Variants in IVNS1ABP observed in about 807,000 individuals in gnomAD.
IVNS1ABP encodes the protein influenza virus NS1A binding protein.
Under a neutral mutation model 78.9 loss-of-function variants are expected in IVNS1ABP, and 25 were observed. The ratio of observed to expected loss-of-function variants is 0.32; its 90% confidence interval spans 0.23 to 0.44. IVNS1ABP has a LOEUF of 0.44. Among genes scored for constraint, IVNS1ABP ranks in the 20% least tolerant of loss-of-function variants. The probability of loss-of-function intolerance (pLI) is 1.00; values close to 1 mark genes in which losing one functional copy is unlikely to be tolerated. For synonymous variants in IVNS1ABP, 241 were observed against 259.7 expected (o/e 0.93, Z 0.69); for missense variants, 494 against 768.9 (o/e 0.64, Z 4.23).
intron 7 of IVNS1ABP, chr1:185,306,354 T>C: frequency 5.6e-6 from 4 of 720,020 alleles, no homozygotes; most frequent in Non-Finnish European, 7.8e-6. Flanking sequence ...ATTCCCACCA[T>C]TTCTCCATCA....
In IVNS1ABP at chr1:185,305,703, T is replaced by C; in HGVS notation, c.658-60A>G. ...GGTCACCATGGCTACTCCACTAGTA[T>C]GCAGATTACACAAACGCCTCAAGGT... On this transcript the variant is annotated intron_variant, in intron 7 of 14. Transcript: ENST00000367498. The surrounding 1 kb of genome is among the most constrained non-coding windows in gnomAD (Gnocchi z 4.0). 1 of 1,595,842 alleles carries C rather than the reference T, an allele frequency of 6.3e-7. No homozygotes were observed.
intron 5 of IVNS1ABP, chr1:185,307,933 A>T (rs1404881174): frequency 6.5e-7 from 1 of 1,534,662 alleles, no homozygotes; most frequent in East Asian, 2.4e-5. Context: ...ATAATTTGGT[A>T]AGGCTTCATG....
At chr1:185,308,778 T>C in intron 5 of IVNS1ABP, 22 bp downstream of exon 5, 1 of 1,556,664 alleles carries the variant, frequency 6.4e-7, no homozygotes, top group South Asian at 1.2e-5. Context: ...ATAAATGATT[T>C]TATTTACTTC....
chr1:185,315,274 A>G (rs1333960858), intron 1 of IVNS1ABP, among the ~76,000 whole-genome samples: 1 of 152,244 alleles, frequency 6.6e-6, no homozygotes, highest in Non-Finnish European at 1.5e-5. Flanking sequence ...ACATTTAATT[A>G]CCATCTAACA....
At chr1:185,308,714 T>C (rs1410861529) in intron 5 of IVNS1ABP, 86 bp downstream of exon 5, 4 of 989,582 alleles carry the variant, frequency 4.0e-6, no homozygotes, top group African/African-American at 1.6e-5. Context: ...TCCTTGAAAC[T>C]AACAAGATGT....
rs1166139104 is a variant in IVNS1ABP at position 185,298,481 on chromosome 1, ACCATT to A, written c.1676-198_1676-194del. 3.7e-5 allele frequency: 22 copies of A among 589,274 alleles called. No individual in the cohort carries two copies. In the East Asian group the frequency reaches 6.5e-4, roughly 17 times the overall value. 36.5% of individuals were successfully genotyped at this position (589,274 alleles called of 1,614,324 possible). On this transcript the variant is annotated intron_variant, in intron 14 of 14. Coordinates refer to ENST00000367498, the MANE Select transcript of IVNS1ABP (RefSeq NM_006469.5). This position sits in a 1 kb window ranked among gnomAD's most constrained non-coding sequence, Gnocchi z 4.1. ...AGCTGGGAATCAAATCAATAAAAAA[ACCATT>A]CCCACGTGGAACTTAGGCAACTTAA...
chr1:185,301,639 A>G, intron 8 of IVNS1ABP, 76 bp from the exon 9 acceptor site: 1 of 1,517,894 alleles, frequency 6.6e-7, no homozygotes, highest in Non-Finnish European at 9.1e-7. Flanking sequence ...GAGCTATTCC[A>G]CAACACTGAG....
rs1428861632 is a variant in IVNS1ABP at position 185,305,936 on chromosome 1, CAGTA to C, written c.658-297_658-294del. 23 of 321,802 alleles carry C rather than the reference CAGTA, an allele frequency of 7.1e-5. No homozygotes were observed. The highest frequency in any genetic ancestry group is 3.3e-4 in the South Asian group (8 of 24,422). The allele number at this position is 321,802 out of a possible 1,614,324, so 19.9% of individuals were successfully genotyped here. On this transcript the variant is annotated intron_variant, in intron 7 of 14. Coordinates refer to ENST00000367498, the MANE Select transcript of IVNS1ABP (RefSeq NM_006469.5). The surrounding 1 kb of genome is among the most constrained non-coding windows in gnomAD (Gnocchi z 4.0). ...TTTTTTCATAGCTTCTATCATATAA[CAGTA>C]AGAAAAAAAGCACTAGTACAATATA...
rs1164348228 is a variant in IVNS1ABP at position 185,316,959 on chromosome 1, C to T, written c.-253G>A. 1 of 398,438 alleles carries T rather than the reference C, an allele frequency of 2.5e-6. No homozygotes were observed. The highest frequency in any genetic ancestry group is 4.4e-6 in the Non-Finnish European group (1 of 226,064). The allele number at this position is 398,438 out of a possible 1,614,324, so 24.7% of individuals were successfully genotyped here. Reference sequence around the variant, plus strand: ...TAGAACCAGCGCGTATTACCTGGTTCATCTCTGAAGAGATGGAAACATTCA... The same window carrying T: ...TAGAACCAGCGCGTATTACCTGGTTTATCTCTGAAGAGATGGAAACATTCA... On this transcript the variant is annotated 5_prime_UTR_variant, in exon 1 of 15. An upstream start codon of the reference 5' UTR is lost. Transcript: ENST00000367498.
Position 185,301,678 on chromosome 1 carries a change from G to A in IVNS1ABP, c.766-115C>T, listed in dbSNP as rs373321058. 140 of 1,150,602 alleles carry A rather than the reference G, an allele frequency of 1.2e-4. 4 individuals are homozygous for A. Among genetic ancestry groups the A allele is most frequent in the East Asian group, 9.6e-4 (40 of 41,690 alleles). 71.3% of individuals were successfully genotyped at this position (1,150,602 alleles called of 1,614,324 possible). ...CCTTCACCTATATATGACATTTATA[G>A]GACACTAACTTTAACTCAAGCCAAC... On this transcript the variant is annotated intron_variant, in intron 8 of 14. Coordinates refer to ENST00000367498, the MANE Select transcript of IVNS1ABP (RefSeq NM_006469.5).
In IVNS1ABP at chr1:185,305,838, C is replaced by T; in HGVS notation, c.658-195G>A. 1.8e-6 allele frequency: 1 copy of T among 568,490 alleles called. No homozygotes were observed. The highest frequency in any genetic ancestry group is 3.0e-6 in the Non-Finnish European group (1 of 337,070). The allele number at this position is 568,490 out of a possible 1,614,324, so 35.2% of individuals were successfully genotyped here. On this transcript the variant is annotated intron_variant, in intron 7 of 14. Coordinates refer to ENST00000367498, the MANE Select transcript of IVNS1ABP (RefSeq NM_006469.5). The surrounding 1 kb of genome is among the most constrained non-coding windows in gnomAD (Gnocchi z 4.0). Reference sequence around the variant, plus strand: ...AAATTAAAAAACAAAAACAAAAAACCAAAATCAAATACAAAATCTTCCAAT... The same window carrying T: ...AAATTAAAAAACAAAAACAAAAAACTAAAATCAAATACAAAATCTTCCAAT...
chr1:185,298,332 A>C lies in IVNS1ABP; in HGVS notation c.1676-44T>G. 6.4e-7 allele frequency: 1 copy of C among 1,570,400 alleles called. No homozygotes were observed. The highest frequency in any genetic ancestry group is 8.7e-7 in the Non-Finnish European group (1 of 1,150,038). On this transcript the variant is annotated intron_variant, in intron 14 of 14. Coordinates refer to ENST00000367498, the MANE Select transcript of IVNS1ABP (RefSeq NM_006469.5). This position sits in a 1 kb window ranked among gnomAD's most constrained non-coding sequence, Gnocchi z 4.1. ...GGGGTAAATCCAGAGATTAAAGTGTAATAAGGTAAAACTCCCCTAAATCTG... is the reference window on the plus strand; with the variant it reads ...GGGGTAAATCCAGAGATTAAAGTGTCATAAGGTAAAACTCCCCTAAATCTG...
chr1:185,303,863 TAG>T (rs1323145011), intron 8 of IVNS1ABP, among the ~76,000 whole-genome samples: 1 of 152,136 alleles, frequency 6.6e-6, no homozygotes, highest in African/African-American at 2.4e-5. Context: ...TGCCACCTAA[TAG>T]ACTGTTCCCC....
At position 185,298,450 on chromosome 1, in the gene IVNS1ABP, T is replaced by C; in HGVS notation, c.1676-162A>G. The C allele has an allele frequency of 1.5e-6, 1 of 651,316 alleles. No individual in the cohort carries two copies. The highest frequency in any genetic ancestry group is 2.5e-6 in the Non-Finnish European group (1 of 393,438). 40.3% of individuals were successfully genotyped at this position (651,316 alleles called of 1,614,324 possible). On this transcript the variant is annotated intron_variant, in intron 14 of 14. Transcript: ENST00000367498. This position sits in a 1 kb window ranked among gnomAD's most constrained non-coding sequence, Gnocchi z 4.1. ...TAAATGCCTAATATGACAAATACTC[T>C]CTAAGAGCTGGGAATCAAATCAATA...
chr1:185,317,066 G>A lies in IVNS1ABP; in HGVS notation c.-360C>T. 2 of 398,696 alleles carry A rather than the reference G, an allele frequency of 5.0e-6. No individual in the cohort carries two copies. The highest frequency in any genetic ancestry group is 3.6e-5 in the East Asian group (1 of 28,092). The allele number at this position is 398,696 out of a possible 1,614,324, so 24.7% of individuals were successfully genotyped here. Reference sequence around the variant, plus strand: ...AGCGCCAGAAGGCGGCGGAAGACGGGAGCGGTCAAGTAGAAGGACGAGGGG... The same window carrying A: ...AGCGCCAGAAGGCGGCGGAAGACGGAAGCGGTCAAGTAGAAGGACGAGGGG... On this transcript the variant is annotated 5_prime_UTR_variant, in exon 1 of 15. Coordinates refer to ENST00000367498, the MANE Select transcript of IVNS1ABP (RefSeq NM_006469.5).
At chr1:185,306,918 G>T in intron 7 of IVNS1ABP, 96 bp downstream of exon 7, 1 of 1,391,480 alleles carries the variant, frequency 7.2e-7, no homozygotes, top group Non-Finnish European at 1.0e-6. Flanking sequence ...AAATTCTTTA[G>T]GGTCATGGTT....
chr1:185,310,334 G>T (rs1026831387), intron 2 of IVNS1ABP, among the ~76,000 whole-genome samples: 6 of 152,126 alleles, frequency 3.9e-5, no homozygotes, highest in Non-Finnish European at 7.4e-5. Flanking sequence ...TAGGCTGGGC[G>T]CTATGGCTCA....
chr1:185,302,739 A>C (rs914222303), intron 8 of IVNS1ABP, among the ~76,000 whole-genome samples: 1 of 152,148 alleles, frequency 6.6e-6, no homozygotes, highest in African/African-American at 2.4e-5. Context: ...CTATGTACCT[A>C]GGTATTACTA....
chr1:185,316,374 T>A (rs998910709), intron 1 of IVNS1ABP, among the ~76,000 whole-genome samples: 13 of 152,130 alleles, frequency 8.5e-5, no homozygotes, highest in African/African-American at 3.1e-4. Context: ...GCGGGCAACG[T>A]GGAGCGGGAA....
Sources: gnomAD v4.1 joint callset for allele counts (sites outside exome capture counted in the v4.1 genomes callset) on GRCh38, gnomAD v4.1.1 for gene constraint, Gnocchi (gnomAD v3.1) non-coding constraint, MANE v1.5 for transcripts, NCBI Gene and HGNC (gene_info 2026-07-23, HGNC 2026-07-21) for gene names.